Variants in MAP2 observed in about 807,000 individuals in gnomAD.
The protein encoded by MAP2 is microtubule-associated protein 2.
A neutral mutation model predicts 137.6 loss-of-function variants in MAP2; 14 were observed. That is an observed-to-expected ratio of 0.10 (90% CI 0.07 to 0.16). MAP2 has a LOEUF of 0.16. MAP2 is among the 10% of genes least tolerant of loss of function. The probability of loss-of-function intolerance (pLI) is 1.00; values close to 1 mark genes in which losing one functional copy is unlikely to be tolerated. For synonymous variants in MAP2, 786 were observed against 782.3 expected (o/e 1.00, Z -0.08); for missense variants, 2,088 against 2,191.5 (o/e 0.95, Z 0.94).
At chr2:209,537,329 A>C (rs1195749751) in intron 2 of MAP2, among the ~76,000 whole-genome samples, 2 of 152,234 alleles carry the variant, frequency 1.3e-5, no homozygotes, top group African/African-American at 4.8e-5. Context: ...ACACACAATA[A>C]ATTTTCCATA....
chr2:209,636,146 A>G (rs916779981), intron 4 of MAP2, among the ~76,000 whole-genome samples: 7 of 152,162 alleles, frequency 4.6e-5, no homozygotes, highest in Non-Finnish European at 7.4e-5. Flanking sequence ...ATTACTACAG[A>G]AGGCAGTTTG....
At chr2:209,667,263 C>T (rs937220009) in intron 5 of MAP2, among the ~76,000 whole-genome samples, 1 of 151,842 alleles carries the variant, frequency 6.6e-6, no homozygotes, top group African/African-American at 2.4e-5. Flanking sequence ...TCAGAACTGT[C>T]CAAGAAAAAG....
chr2:209,709,875 C>A, intron 12 of MAP2, 39 bp from the exon 13 acceptor site: 1 of 1,461,628 alleles, frequency 6.8e-7, no homozygotes, highest in Non-Finnish European at 9.5e-7. Flanking sequence ...GGAGAATTGT[C>A]TGACTCTGGT....
At chr2:209,477,280 A>G (rs955046836) in intron 1 of MAP2, among the ~76,000 whole-genome samples, 1 of 152,200 alleles carries the variant, frequency 6.6e-6, no homozygotes, top group Admixed American at 6.5e-5. Context: ...AGCCTGGGCC[A>G]CTTTGTAACT....
intron 13 of MAP2, chr2:209,710,899 T>C (rs1427439209): frequency 6.6e-6 from 1 of 152,374 alleles, no homozygotes; most frequent in African/African-American, 2.4e-5. Flanking sequence ...TAACTTCAGC[T>C]CCCCAGAGCA....
chr2:209,635,624 G>T (rs1334185117), intron 4 of MAP2, among the ~76,000 whole-genome samples: 1 of 152,112 alleles, frequency 6.6e-6, no homozygotes, highest in Admixed American at 6.6e-5. Context: ...GTGTGTTGCA[G>T]TGTTGCATGA....
intron 7 of MAP2, among the ~76,000 whole-genome samples, chr2:209,689,199 TAAC>T (rs1156885055): frequency 1.3e-5 from 2 of 152,078 alleles, no homozygotes; most frequent in Non-Finnish European, 2.9e-5. Context: ...TTTCTTAAAA[TAAC>T]AAGTTAGAAT....
At chr2:209,468,964 C>T (rs1279075680) in intron 1 of MAP2, among the ~76,000 whole-genome samples, 1 of 152,142 alleles carries the variant, frequency 6.6e-6, no homozygotes, top group Non-Finnish European at 1.5e-5. Context: ...TCCAGGATAA[C>T]ATCCAAGATG....
chr2:209,491,330 CA>C (rs2059083260), intron 1 of MAP2, among the ~76,000 whole-genome samples: 1 of 152,116 alleles, frequency 6.6e-6, no homozygotes. Context: ...ACTAAATGCC[CA>C]CAGGACAAAG....
Position 209,677,376 on chromosome 2 carries a change from A to G in MAP2, c.263-1196A>G, listed in dbSNP as rs1030857275. Reference sequence around the variant, plus strand: ...TAGGCAGGCAGATAGGTAGGTAGATAGATGATAGATTAGATAGATAGATAG... The same window carrying G: ...TAGGCAGGCAGATAGGTAGGTAGATGGATGATAGATTAGATAGATAGATAG... On this transcript the variant is annotated intron_variant, in intron 5 of 15. Transcript: ENST00000682079. 6.2e-4 allele frequency among the ~76,000 whole-genome samples: 94 copies of G among 151,472 alleles called. 1 individual carries two copies. Among genetic ancestry groups the G allele is most frequent in the Non-Finnish European group, 8.8e-4 (60 of 67,836 alleles).
In MAP2 at chr2:209,653,126, AT is replaced by A. The variant is rs777353640; in HGVS notation, c.-29-10del. 2.0e-6 allele frequency: 3 copies of A among 1,532,380 alleles called. No individual in the cohort carries two copies. In the East Asian group the frequency reaches 6.8e-5, roughly 35 times the overall value. The allele number at this position is 1,532,380 out of a possible 1,614,324, so 94.9% of individuals were successfully genotyped here. A position where few individuals can be genotyped will look rare whatever the true frequency, so the allele number is the denominator to read the frequency against. ...AGATTTCCCCAAAGTAATAGCTACTATTTTTTCTCTTTCAGTTGCAGGAGAA... is the reference window on the plus strand; with the variant it reads ...AGATTTCCCCAAAGTAATAGCTACTATTTTTCTCTTTCAGTTGCAGGAGAA... On this transcript the variant is annotated splice_polypyrimidine_tract_variant and intron_variant, in intron 4 of 15. Coordinates refer to ENST00000682079, the MANE Select transcript of MAP2 (RefSeq NM_001375505.1).
chr2:209,432,872 C>G (rs980350537), intron 1 of MAP2, among the ~76,000 whole-genome samples: 1 of 152,124 alleles, frequency 6.6e-6, no homozygotes, highest in Non-Finnish European at 1.5e-5. Context: ...ATATTTCATA[C>G]TCTTCTTAGT....
At chr2:209,580,365 C>A (rs924631672) in intron 3 of MAP2, among the ~76,000 whole-genome samples, 2 of 151,956 alleles carry the variant, frequency 1.3e-5, no homozygotes, top group Non-Finnish European at 2.9e-5. Flanking sequence ...GAGATTTTAT[C>A]ATTGTAATGT....
chr2:209,461,079 G>A (rs1429560681), intron 1 of MAP2, among the ~76,000 whole-genome samples: 3 of 152,032 alleles, frequency 2.0e-5, no homozygotes, highest in Non-Finnish European at 4.4e-5. Flanking sequence ...ATATAAACTT[G>A]TTTCACTGGA....
intron 3 of MAP2, among the ~76,000 whole-genome samples, chr2:209,598,508 T>C (rs2082013944): frequency 1.3e-5 from 2 of 151,256 alleles, no homozygotes; most frequent in South Asian, 4.2e-4. Context: ...GCAGGTTAGT[T>C]ACATATGTAT....
At chr2:209,486,464 C>T (rs1011871925) in intron 1 of MAP2, among the ~76,000 whole-genome samples, 11 of 152,122 alleles carry the variant, frequency 7.2e-5, no homozygotes, top group Non-Finnish European at 1.3e-4. Context: ...CCTCATGATC[C>T]ACCCGCCTCA....
chr2:209,567,999 G>A (rs992317901), intron 2 of MAP2, among the ~76,000 whole-genome samples: 23 of 151,920 alleles, frequency 1.5e-4, no homozygotes, highest in Non-Finnish European at 2.8e-4. Flanking sequence ...CAATCAATAG[G>A]AGAATTTGGA....
At position 209,731,211 on chromosome 2, in the gene MAP2, T is replaced by C. The variant is rs1006775118; in HGVS notation, c.*814T>C. The C allele has an allele frequency of 1.3e-5, 2 of 152,420 alleles. No homozygotes were observed. The highest frequency in any genetic ancestry group is 2.4e-5 in the African/African-American group (1 of 41,450). The allele number at this position is 152,420 out of a possible 1,614,324, so 9.4% of individuals were successfully genotyped here. ...TTTCTCTGTGGCCATTTGTGATACT[T>C]CCTCATATACTTGAATATTATACTT... is the stretch of plus-strand genomic sequence containing the variant. On this transcript the variant is annotated 3_prime_UTR_variant, in exon 16 of 16. Coordinates refer to ENST00000682079, the MANE Select transcript of MAP2 (RefSeq NM_001375505.1).
intron 13 of MAP2, among the ~76,000 whole-genome samples, chr2:209,715,552 A>G (rs550046341): frequency 6.6e-6 from 1 of 152,210 alleles, no homozygotes; most frequent in Admixed American, 6.5e-5. Flanking sequence ...AAAAGTGCTA[A>G]GTATGGAGAA....
Sources: allele counts gnomAD v4.1 joint callset (sites outside exome capture counted in the v4.1 genomes callset), GRCh38; gene constraint gnomAD v4.1.1; transcripts MANE v1.5; gene names NCBI Gene and HGNC (gene_info 2026-07-23, HGNC 2026-07-21).